The following ATP13A4 variants were observed in gnomAD, a reference collection of about 807,000 sequenced individuals.
The protein encoded by ATP13A4 is ATPase 13A4, also known as probable cation-transporting ATPase 13A4.
Under a neutral mutation model 142.5 loss-of-function variants are expected in ATP13A4, and 114 were observed. That is an observed-to-expected ratio of 0.80 (90% CI 0.69 to 0.93). ATP13A4 has a LOEUF of 0.93. Among genes scored for constraint, ATP13A4 ranks in the 40% least tolerant of loss-of-function variants. The pLI is 0.00. For missense variants in ATP13A4, 1,392 were observed against 1,454.0 expected, an observed-to-expected ratio of 0.96 and a Z score of 0.69; for synonymous variants, 488 against 514.8, an observed-to-expected ratio of 0.95 and a Z score of 0.70.
chr3:193,475,281 G>A (rs986271120), intron 8 of ATP13A4, among the ~76,000 whole-genome samples: 119 of 152,022 alleles, frequency 7.8e-4, no homozygotes, highest in African/African-American at 2.7e-3. Context: ...ATAAACAATG[G>A]CTCCTCCACA....
At chr3:193,530,545 T>C (rs1722259200) in intron 1 of ATP13A4, among the ~76,000 whole-genome samples, 1 of 152,202 alleles carries the variant, frequency 6.6e-6, no homozygotes, top group African/African-American at 2.4e-5. Flanking sequence ...TCAAATTAGT[T>C]TCCTTTGCTC....
intron 27 of ATP13A4, among the ~76,000 whole-genome samples, chr3:193,411,819 G>A (rs1046764387): frequency 3.3e-5 from 5 of 152,158 alleles, no homozygotes; most frequent in Non-Finnish European, 7.4e-5. Flanking sequence ...CAAGAGACAG[G>A]ATCCACTTGA....
chr3:193,492,796 T>C (rs1720015363), intron 5 of ATP13A4, 121 bp downstream of exon 5: 1 of 776,048 alleles, frequency 1.3e-6, no homozygotes, highest in Non-Finnish European at 2.2e-6. Context: ...TTAATAATAC[T>C]AAATAGAGCA....
intron 2 of ATP13A4, among the ~76,000 whole-genome samples, chr3:193,514,414 G>A (rs1042295818): frequency 3.9e-5 from 6 of 152,118 alleles, no homozygotes; most frequent in Non-Finnish European, 5.9e-5. Flanking sequence ...ACATGATTTC[G>A]TTCTTTATTA....
intron 1 of ATP13A4, among the ~76,000 whole-genome samples, chr3:193,529,566 G>A (rs1370458948): frequency 1.3e-5 from 2 of 152,120 alleles, no homozygotes; most frequent in South Asian, 2.1e-4. Context: ...AGGGCCACTC[G>A]TCATTGTGCA....
At position 193,416,424 on chromosome 3, in the gene ATP13A4, G is replaced by A. The variant is rs144378924; in HGVS notation, c.2843-1674C>T. Among the ~76,000 whole-genome samples the A allele has an allele frequency of 6.6e-4, 100 of 152,092 alleles. 1 individual carries two copies. The highest frequency in any genetic ancestry group is 2.3e-3 in the African/African-American group (95 of 41,490). The stretch of plus-strand genomic sequence containing the variant: ...TGCTGAAATAACTAAGGGAAACCAC[G>A]GGCAAAGAACTAAAGGAAATTAGGA... On this transcript the variant is annotated intron_variant, in intron 25 of 29. Coordinates refer to ENST00000342695, the MANE Select transcript of ATP13A4 (RefSeq NM_032279.4).
At chr3:193,470,835 T>C (rs1718576077) in intron 9 of ATP13A4, 24 bp downstream of exon 9, 1 of 1,613,728 alleles carries the variant, frequency 6.2e-7, no homozygotes, top group Non-Finnish European at 8.5e-7. Flanking sequence ...ACAGAGGTTG[T>C]CAGCTGTGGA....
At chr3:193,429,763 A>G (rs1560180716) in intron 25 of ATP13A4, among the ~76,000 whole-genome samples, 1 of 152,038 alleles carries the variant, frequency 6.6e-6, no homozygotes, top group Non-Finnish European at 1.5e-5. Context: ...AAAAAATAAA[A>G]ATGACAAATT....
intron 17 of ATP13A4, among the ~76,000 whole-genome samples, chr3:193,452,567 ATTTTT>A (rs751029977): frequency 1.7e-5 from 2 of 120,794 alleles, no homozygotes; most frequent in Admixed American, 8.5e-5. Flanking sequence ...ACATTGTGGA[ATTTTT>A]TTTTTTTTTT....
chr3:193,530,491 C>T (rs912647635), intron 1 of ATP13A4, among the ~76,000 whole-genome samples: 2 of 152,174 alleles, frequency 1.3e-5, no homozygotes, highest in Non-Finnish European at 2.9e-5. Context: ...GTTCCCTGAA[C>T]AGCTGAGGAG....
At chr3:193,586,303 G>A (rs1356845331) in intron 1 of ATP13A4, among the ~76,000 whole-genome samples, 1 of 151,970 alleles carries the variant, frequency 6.6e-6, no homozygotes, top group Admixed American at 6.6e-5. Flanking sequence ...TCTTATCATT[G>A]GTGTTATTTG....
chr3:193,541,345 G>GATCACAGATTATCTATCTGTGATTATCA (rs1219480024), intron 1 of ATP13A4, among the ~76,000 whole-genome samples: 14 of 88,240 alleles, frequency 1.6e-4, no homozygotes, highest in African/African-American at 4.3e-4. Context: ...GATATTATCT[G>GATCACAGATTATCTATCTGTGATTATCA]ATCACAGATT....
chr3:193,402,637 G>A lies in ATP13A4; in HGVS notation c.*15C>T, dbSNP rs1309058278. The A allele has an allele frequency of 2.4e-6, 2 of 831,174 alleles. No individual in the cohort carries two copies. The highest frequency in any genetic ancestry group is 3.3e-5 in the African/African-American group (2 of 59,952). The allele number at this position is 831,174 out of a possible 1,614,324, so 51.5% of individuals were successfully genotyped here. ...ATTGTTTCTCTGTAATATCAACTTG[G>A]ATATCACATGTCCTTCAGAGTTGTT... On this transcript the variant is annotated 3_prime_UTR_variant, in exon 30 of 30. Transcript: ENST00000342695.
In ATP13A4 at chr3:193,457,029, C is replaced by A; in HGVS notation, c.1886G>T (p.Arg629Met). 6.2e-7 allele frequency: 1 copy of A among 1,614,074 alleles called. No individual in the cohort carries two copies. Among genetic ancestry groups the A allele is most frequent in the South Asian group, 1.1e-5 (1 of 91,012 alleles). Residue 629 changes from arginine (R) to methionine (M), a missense_variant, in exon 16 of 30, where the codon AGG becomes ATG. By Grantham distance (91) the Arg-to-Met change is moderately conservative (BLOSUM62 -1). Coordinates refer to ENST00000342695, the MANE Select transcript of ATP13A4 (RefSeq NM_032279.4). The part of the protein sequence containing the change: ...RLAFMKGAPE[R>M]VASFCQPETV... ...CTCAGGTTGGCAAAAGCTGGCCACC[C>A]TCTCTGGTGCACCTTTCATGAATGC...
chr3:193,439,027 C>T lies in ATP13A4; in HGVS notation c.2558G>A (p.Cys853Tyr), dbSNP rs746287167. The change falls in exon 22 of 30, where the codon TGT (cysteine) becomes TAT (tyrosine). Residue 853 changes from cysteine to tyrosine, a missense_variant. Coordinates refer to ENST00000342695, the MANE Select transcript of ATP13A4 (RefSeq NM_032279.4). ...VGMCGDGANDCGALKMAHVGI... is the reference protein window; with the variant it reads ...VGMCGDGANDYGALKMAHVGI... ...CACAAACTGGTAGCTACTTACCCCA[C>T]AGTCATTGGCTCCATCACCACACAT... The T allele has an allele frequency of 6.2e-7, 1 of 1,609,466 alleles. No individual in the cohort carries two copies. The highest frequency in any genetic ancestry group is 1.3e-5 in the African/African-American group (1 of 74,790).
At chr3:193,523,635 G>A (rs918401173) in intron 1 of ATP13A4, among the ~76,000 whole-genome samples, 11 of 152,196 alleles carry the variant, frequency 7.2e-5, no homozygotes, top group African/African-American at 1.9e-4. Context: ...CAAAAGCTCC[G>A]GTGCTAGAGT....
At chr3:193,563,686 A>G (rs1162899880) in intron 2 of ATP13A4, among the ~76,000 whole-genome samples, 1 of 152,198 alleles carries the variant, frequency 6.6e-6, no homozygotes, top group Admixed American at 6.5e-5. Context: ...TGCTTTGTAA[A>G]CCACCGAATA....
chr3:193,476,821 C>A (rs1718991062), intron 8 of ATP13A4, among the ~76,000 whole-genome samples: 1 of 151,956 alleles, frequency 6.6e-6, no homozygotes, highest in Non-Finnish European at 1.5e-5. Context: ...ACATCTGACA[C>A]CGATTAAGTT....
chr3:193,548,557 C>T (rs1723354134), intron 1 of ATP13A4, among the ~76,000 whole-genome samples: 2 of 152,188 alleles, frequency 1.3e-5, no homozygotes, highest in Admixed American at 1.3e-4. Context: ...GAACACAATT[C>T]CCCCACTATG....
Sources: allele counts gnomAD v4.1 joint callset (sites outside exome capture counted in the v4.1 genomes callset), GRCh38; gene constraint gnomAD v4.1.1; transcripts MANE v1.5; gene names NCBI Gene and HGNC (gene_info 2026-07-23, HGNC 2026-07-21).